The following TGFBR1 variants were observed in gnomAD, a reference collection of about 807,000 sequenced individuals.
The protein encoded by TGFBR1 is transforming growth factor beta receptor 1, also known as TGF-beta receptor type-1.
A neutral mutation model predicts 55.1 loss-of-function variants in TGFBR1; 20 were observed. The ratio of observed to expected loss-of-function variants is 0.36; its 90% confidence interval spans 0.26 to 0.53. The LOEUF (loss-of-function observed/expected upper bound fraction) is 0.53. Among genes scored for constraint, TGFBR1 ranks in the 20% least tolerant of loss-of-function variants. The pLI is 0.91. For synonymous variants in TGFBR1, 220 were observed against 214.8 expected (o/e 1.02, Z -0.21); for missense variants, 385 against 617.6 (o/e 0.62, Z 3.99).
chr9:99,117,817 C>T (rs1465727432), intron 1 of TGFBR1, among the ~76,000 whole-genome samples: 1 of 152,060 alleles, frequency 6.6e-6, no homozygotes, highest in Admixed American at 6.5e-5. Context: ...TGTTGTTTTT[C>T]CATATAAATT....
intron 1 of TGFBR1, among the ~76,000 whole-genome samples, chr9:99,123,429 A>G (rs1206711986): frequency 6.6e-6 from 1 of 152,050 alleles, no homozygotes; most frequent in Non-Finnish European, 1.5e-5. Context: ...TATTTTTGCT[A>G]TCAAGCAGAA....
intron 1 of TGFBR1, among the ~76,000 whole-genome samples, chr9:99,118,112 G>A (rs889236079): frequency 2.6e-5 from 4 of 151,980 alleles, no homozygotes; most frequent in South Asian, 2.1e-4. Context: ...TTTAAAAAAC[G>A]TTTTCTATTT....
At chr9:99,147,303 T>C (rs1827825443) in intron 7 of TGFBR1, among the ~76,000 whole-genome samples, 1 of 152,204 alleles carries the variant, frequency 6.6e-6, no homozygotes, top group Non-Finnish European at 1.5e-5. Context: ...GGTATATATA[T>C]CCCTGTGCAA....
At chr9:99,130,563 A>G (rs1195097872) in intron 2 of TGFBR1, among the ~76,000 whole-genome samples, 1 of 152,252 alleles carries the variant, frequency 6.6e-6, no homozygotes, top group African/African-American at 2.4e-5. Flanking sequence ...TTTGAGCTTG[A>G]AATATCTGAA....
chr9:99,128,796 T>G, intron 1 of TGFBR1, 59 bp from the exon 2 acceptor site: 2 of 1,595,588 alleles, frequency 1.3e-6, no homozygotes, highest in Non-Finnish European at 1.7e-6. Context: ...GAGTGAATAT[T>G]GGATAATTTC....
chr9:99,114,210 A>G (rs1826664274), intron 1 of TGFBR1, among the ~76,000 whole-genome samples: 1 of 152,190 alleles, frequency 6.6e-6, no homozygotes, highest in Admixed American at 6.5e-5. Context: ...GTAAGACCAA[A>G]TCTACTGACC....
At chr9:99,122,678 T>C (rs1335829741) in intron 1 of TGFBR1, among the ~76,000 whole-genome samples, 3 of 152,202 alleles carry the variant, frequency 2.0e-5, no homozygotes, top group Non-Finnish European at 4.4e-5. Context: ...TCTGCAATAT[T>C]TGGAAATTTC....
intron 2 of TGFBR1, among the ~76,000 whole-genome samples, chr9:99,130,854 A>G (rs571812557): frequency 6.6e-6 from 1 of 152,242 alleles, no homozygotes; most frequent in Non-Finnish European, 1.5e-5. Context: ...GGTTGCTTTC[A>G]GAAGAAAAGC....
At chr9:99,116,741 C>T (rs1225970018) in intron 1 of TGFBR1, among the ~76,000 whole-genome samples, 1 of 152,112 alleles carries the variant, frequency 6.6e-6, no homozygotes, top group Non-Finnish European at 1.5e-5. Context: ...AACCCATATT[C>T]CTAATGCCAA....
At chr9:99,126,683 T>G (rs1827051519) in intron 1 of TGFBR1, among the ~76,000 whole-genome samples, 1 of 152,226 alleles carries the variant, frequency 6.6e-6, no homozygotes, top group Non-Finnish European at 1.5e-5. Context: ...CATGTACCTC[T>G]GAAGCCAGTC....
At chr9:99,106,454 CTGACGG>C (rs1238930828) in intron 1 of TGFBR1, among the ~76,000 whole-genome samples, 1 of 152,218 alleles carries the variant, frequency 6.6e-6, no homozygotes, top group African/African-American at 2.4e-5. Flanking sequence ...AAAATCAAGA[CTGACGG>C]TGACGATTAT....
chr9:99,105,859 G>T (rs1826397707), intron 1 of TGFBR1, among the ~76,000 whole-genome samples: 1 of 152,238 alleles, frequency 6.6e-6, no homozygotes, highest in Non-Finnish European at 1.5e-5. Flanking sequence ...AGTCGGGGGC[G>T]ACGTGTGGTG....
chr9:99,135,898 A>C (rs1477363387), intron 3 of TGFBR1, among the ~76,000 whole-genome samples: 1 of 134,742 alleles, frequency 7.4e-6, no homozygotes, highest in East Asian at 2.2e-4. Context: ...TCTGTTGCCC[A>C]GGCTGGAGTG....
chr9:99,105,075 C>A, upstream of TGFBR1: 1 of 682,832 alleles, frequency 1.5e-6, no homozygotes, highest in Non-Finnish European at 1.9e-6. Context: ...GACGCGCGTC[C>A]TCCGAGCAGT....
At position 99,144,829 on chromosome 9, in the gene TGFBR1, A is replaced by C. The variant is rs2118806030; in HGVS notation, c.1071A>C (p.Arg357Ser). ...CCIADLGLAVRHDSATDTIDI... is the reference protein window; with the variant it reads ...CCIADLGLAVSHDSATDTIDI... ...TTGCAGACTTAGGACTGGCAGTAAG[A>C]CATGATTCAGCCACAGATACCATTG... The change falls in exon 6 of 9, where the codon AGA becomes AGC. Residue 357 changes from arginine (R) to serine (S), a missense_variant. Transcript: ENST00000374994. The C allele has an allele frequency of 6.2e-7, 1 of 1,614,096 alleles. No individual in the cohort carries two copies. The highest frequency in any genetic ancestry group is 8.5e-7 in the Non-Finnish European group (1 of 1,179,940).
In TGFBR1 at chr9:99,151,519, C is replaced by G. The variant is rs1340402586; in HGVS notation, c.*2214C>G. Reference sequence around the variant, plus strand: ...TTTTTATATAATTTTAAGAATATACCAAAAGTTGTCTGATTTAAAGTTGTA... The same window carrying G: ...TTTTTATATAATTTTAAGAATATACGAAAAGTTGTCTGATTTAAAGTTGTA... On this transcript the variant is annotated 3_prime_UTR_variant, in exon 9 of 9. Transcript: ENST00000374994. The G allele has an allele frequency of 4.4e-6, 1 of 226,130 alleles. No individual in the cohort carries two copies. Among genetic ancestry groups the G allele is most frequent in the African/African-American group, 2.2e-5 (1 of 44,786 alleles). 14.0% of individuals were successfully genotyped at this position (226,130 alleles called of 1,614,324 possible). A position where few individuals can be genotyped will look rare whatever the true frequency, so the allele number is the denominator to read the frequency against.
At position 99,153,183 on chromosome 9, in the gene TGFBR1, C is replaced by G. The variant is rs190633391; in HGVS notation, c.*3878C>G. On this transcript the variant is annotated 3_prime_UTR_variant, in exon 9 of 9. Coordinates refer to ENST00000374994, the MANE Select transcript of TGFBR1 (RefSeq NM_004612.4). ...AAACTTAAATTACCTCTCAAGAGAC[C>G]AAGGTACATTTACCTCATTGTGTAT... 4.4e-6 allele frequency: 1 copy of G among 225,082 alleles called. No individual in the cohort carries two copies. Among genetic ancestry groups the G allele is most frequent in the African/African-American group, 2.2e-5 (1 of 44,914 alleles). 13.9% of individuals were successfully genotyped at this position (225,082 alleles called of 1,614,324 possible). A position where few individuals can be genotyped will look rare whatever the true frequency, so the allele number is the denominator to read the frequency against.
At chr9:99,138,198 A>T in intron 4 of TGFBR1, 109 bp downstream of exon 4, 1 of 958,920 alleles carries the variant, frequency 1.0e-6, no homozygotes, top group Non-Finnish European at 1.6e-6. Context: ...GATGTCTCTC[A>T]TGTAGATTAG....
intron 1 of TGFBR1, chr9:99,127,986 C>T (rs1467173084): frequency 2.2e-6 from 1 of 455,846 alleles, no homozygotes; most frequent in Non-Finnish European, 4.4e-6. Context: ...GAAAGAAAAA[C>T]AAAACTAGCA....
Sources: allele counts gnomAD v4.1 joint callset (sites outside exome capture counted in the v4.1 genomes callset), GRCh38; gene constraint gnomAD v4.1.1; transcripts MANE v1.5; gene names NCBI Gene and HGNC (gene_info 2026-07-23, HGNC 2026-07-21).